The following JAKMIP1 variants were observed in gnomAD, a reference collection of about 807,000 sequenced individuals.
JAKMIP1 encodes the protein janus kinase and microtubule-interacting protein 1.
In JAKMIP1, 33 loss-of-function variants were observed where a neutral mutation model predicts 113.0. That is an observed-to-expected ratio of 0.29 (90% CI 0.22 to 0.39). The LOEUF is 0.39. Ranked by LOEUF, JAKMIP1 falls within the 10% of genes least tolerant of loss-of-function variation. The pLI is 1.00. For missense variants in JAKMIP1, 813 were observed against 1,080.5 expected, an observed-to-expected ratio of 0.75 and a Z score of 3.47; for synonymous variants, 480 against 459.9, an observed-to-expected ratio of 1.04 and a Z score of -0.56.
At chr4:6,182,553 C>G in intron 1 of JAKMIP1, among the ~76,000 whole-genome samples, 1 of 152,200 alleles carries the variant, frequency 6.6e-6, no homozygotes, top group East Asian at 1.9e-4. Flanking sequence ...GAAGAGGGGC[C>G]TCACCATGAA....
intron 1 of JAKMIP1, among the ~76,000 whole-genome samples, chr4:6,177,240 G>C (rs7691651): frequency 6.6e-6 from 1 of 152,046 alleles, no homozygotes; most frequent in East Asian, 1.9e-4. Context: ...TCCAAAGTTG[G>C]AGAGGACTTT....
chr4:6,114,960 T>C (rs924964168), intron 1 of JAKMIP1, among the ~76,000 whole-genome samples: 1 of 152,182 alleles, frequency 6.6e-6, no homozygotes, highest in South Asian at 2.1e-4. Context: ...TTTAAGGAAA[T>C]ACCAGAGATA....
intron 1 of JAKMIP1, among the ~76,000 whole-genome samples, chr4:6,121,017 T>C (rs4688968): frequency 0.24 from 36,527 of 151,914 alleles, 5,918 homozygotes; most frequent in East Asian, 0.6. Context: ...CCGGCCAACA[T>C]GGTGAAATCC....
intron 1 of JAKMIP1, among the ~76,000 whole-genome samples, chr4:6,120,921 C>T (rs931312025): frequency 6.6e-6 from 1 of 152,064 alleles, no homozygotes; most frequent in Non-Finnish European, 1.5e-5. Context: ...TGGCAGCAGG[C>T]CGGGCACAGT....
At chr4:6,102,793 G>C (rs1713277596) in intron 3 of JAKMIP1, among the ~76,000 whole-genome samples, 1 of 134,468 alleles carries the variant, frequency 7.4e-6, no homozygotes, top group African/African-American at 2.9e-5. Flanking sequence ...GAGTGCAGTG[G>C]CGCGATCTCA....
intron 1 of JAKMIP1, among the ~76,000 whole-genome samples, chr4:6,125,008 C>A (rs962379776): frequency 1.3e-5 from 2 of 152,134 alleles, no homozygotes; most frequent in South Asian, 2.1e-4. Context: ...GGCTGTAGGT[C>A]ACAGAGGGAG....
chr4:6,140,519 T>G lies in JAKMIP1; in HGVS notation c.-147-27522A>C, dbSNP rs541474671. Reference sequence around the variant, plus strand: ...ATCAGCTTAAGGCCCCTTCCAATAATGTGGCTCGGGTCTTTCTGCAGGGTC... The same window carrying G: ...ATCAGCTTAAGGCCCCTTCCAATAAGGTGGCTCGGGTCTTTCTGCAGGGTC... On this transcript the variant is annotated intron_variant, in intron 1 of 20. Coordinates refer to ENST00000409021, the MANE Select transcript of JAKMIP1 (RefSeq NM_001099433.2). This position sits in a 1 kb window ranked among gnomAD's most constrained non-coding sequence, Gnocchi z 9.4. 3.9e-5 allele frequency among the ~76,000 whole-genome samples: 6 copies of G among 152,172 alleles called. No individual in the cohort carries two copies. The highest frequency in any genetic ancestry group is 1.4e-4 in the African/African-American group (6 of 41,474).
intron 1 of JAKMIP1, among the ~76,000 whole-genome samples, chr4:6,144,913 C>T (rs574708688): frequency 2.0e-5 from 3 of 152,058 alleles, no homozygotes; most frequent in Admixed American, 6.6e-5. Flanking sequence ...AAAAGGCACC[C>T]AGATCAGAAA....
rs763244104 is a variant in JAKMIP1 at position 6,105,948 on chromosome 4, C to T, written c.149G>A (p.Arg50Gln). 1 of 1,602,244 alleles carries T rather than the reference C, an allele frequency of 6.2e-7. No individual in the cohort carries two copies. The highest frequency in any genetic ancestry group is 8.5e-7 in the Non-Finnish European group (1 of 1,175,000). The change falls in exon 3 of 21, where the codon CGG (arginine) becomes CAG (glutamine). Residue 50 changes from arginine (R) to glutamine (Q), a missense_variant. Physicochemically the swap from Arg to Gln is conservative, Grantham distance 43. This residue lies in a region of JAKMIP1 where 540 missense variants were observed against 653.9 expected (regional missense o/e 0.83). Transcript: ENST00000409021. ...EKSKVGKLRE[R>Q]LQEAKLEREQ... ...GCGCTCCAGCTTCGCCTCCTGCAGCCGCTCGCGCAGTTTGCCCACCTGCAG... is the reference window on the plus strand; with the variant it reads ...GCGCTCCAGCTTCGCCTCCTGCAGCTGCTCGCGCAGTTTGCCCACCTGCAG...
At chr4:6,036,599 C>A (rs1399910239) in intron 18 of JAKMIP1, among the ~76,000 whole-genome samples, 1 of 151,844 alleles carries the variant, frequency 6.6e-6, no homozygotes, top group Non-Finnish European at 1.5e-5. Flanking sequence ...GTTTTAATTG[C>A]CCCTAACCCC....
rs1299485268 is a variant in JAKMIP1 at position 6,153,117 on chromosome 4, G to A, written c.-147-40120C>T. On this transcript the variant is annotated intron_variant, in intron 1 of 20. Transcript: ENST00000409021. The surrounding 1 kb of genome is among the most constrained non-coding windows in gnomAD (Gnocchi z 4.9). ...CCCCTACCTGCCTGAAGACTACACAGGCAGATTCACACTTGCCAGCCAAGG... is the reference window on the plus strand; with the variant it reads ...CCCCTACCTGCCTGAAGACTACACAAGCAGATTCACACTTGCCAGCCAAGG... 6.6e-6 allele frequency among the ~76,000 whole-genome samples: 1 copy of A among 152,010 alleles called. No homozygotes were observed. The highest frequency in any genetic ancestry group is 1.5e-5 in the Non-Finnish European group (1 of 68,034).
chr4:6,030,822 G>A (rs901671186), intron 19 of JAKMIP1, among the ~76,000 whole-genome samples: 1 of 152,228 alleles, frequency 6.6e-6, no homozygotes, highest in Non-Finnish European at 1.5e-5. Flanking sequence ...ATCACCCAGA[G>A]AGCCTACTCA....
rs1720580429 is a variant in JAKMIP1 at position 6,081,761 on chromosome 4, G to A, written c.955-6C>T. The A allele has an allele frequency of 2.5e-6, 4 of 1,614,122 alleles. No individual in the cohort carries two copies. Among genetic ancestry groups the A allele is most frequent in the Non-Finnish European group, 2.5e-6 (3 of 1,180,020 alleles). The stretch of plus-strand genomic sequence containing the variant: ...GTCTCTCGTGAGCGTTTCAGCTGTG[G>A]TTGGAAACAGACACAGAGGCTCAGA... On this transcript the variant is annotated splice_polypyrimidine_tract_variant and splice_region_variant and intron_variant, in intron 5 of 20. Transcript: ENST00000409021. This position sits in a 1 kb window ranked among gnomAD's most constrained non-coding sequence, Gnocchi z 4.6.
At position 6,097,784 on chromosome 4, in the gene JAKMIP1, C is replaced by T. The variant is rs1414213086; in HGVS notation, c.624+7689G>A. The stretch of plus-strand genomic sequence containing the variant: ...TGAGTCAACCATTCCATGGGAAAAG[C>T]CAGGCCCACGCTTCCTTAGGCAGCT... On this transcript the variant is annotated intron_variant, in intron 3 of 20. Transcript: ENST00000409021. This position sits in a 1 kb window ranked among gnomAD's most constrained non-coding sequence, Gnocchi z 4.3. Among the ~76,000 whole-genome samples the T allele has an allele frequency of 6.6e-6, 1 of 152,190 alleles. No homozygotes were observed. The highest frequency in any genetic ancestry group is 2.4e-5 in the African/African-American group (1 of 41,452).
In JAKMIP1 at chr4:6,149,210, A is replaced by C. The variant is rs139871639; in HGVS notation, c.-147-36213T>G. Among the ~76,000 whole-genome samples the C allele has an allele frequency of 1.5e-3, 235 of 152,342 alleles. 6 individuals carry two copies. The highest frequency in any genetic ancestry group is 5.8e-3 in the South Asian group (28 of 4,826). On this transcript the variant is annotated intron_variant, in intron 1 of 20. Coordinates refer to ENST00000409021, the MANE Select transcript of JAKMIP1 (RefSeq NM_001099433.2). ...TAAGCTTTTTAACTACATACAATTA[A>C]ATTAAAATGAGTGATTTTAATAAAA...
rs372938578 is a variant in JAKMIP1, at chr4:6,109,945, G to A, written c.129+2777C>T. On this transcript the variant is annotated intron_variant, in intron 2 of 20. Coordinates refer to ENST00000409021, the MANE Select transcript of JAKMIP1 (RefSeq NM_001099433.2). ...TCAACCTGAAGCGGCCACATGGATGGCTGGATTGAGAAAATAATCAGCCAG... is the reference window on the plus strand; with the variant it reads ...TCAACCTGAAGCGGCCACATGGATGACTGGATTGAGAAAATAATCAGCCAG... 3.0e-4 allele frequency among the ~76,000 whole-genome samples: 45 copies of A among 151,658 alleles called. No individual in the cohort carries two copies. In the East Asian group the frequency reaches 4.1e-3, roughly 14 times the overall value.
At position 6,135,625 on chromosome 4, in the gene JAKMIP1, T is replaced by A. The variant is rs1719119183; in HGVS notation, c.-147-22628A>T. ...ATACACAGCATTTTGCAGATTAAAA[T>A]AATCTAGTTCCCTGCATACCACTGC... On this transcript the variant is annotated intron_variant, in intron 1 of 20. Transcript: ENST00000409021. This position sits in a 1 kb window ranked among gnomAD's most constrained non-coding sequence, Gnocchi z 4.9. Among the ~76,000 whole-genome samples the A allele has an allele frequency of 6.6e-6, 1 of 152,136 alleles. No individual in the cohort carries two copies. The highest frequency in any genetic ancestry group is 2.4e-5 in the African/African-American group (1 of 41,430).
rs1486499164 is a variant in JAKMIP1 at position 6,181,727 on chromosome 4, C to T, written c.-148+18526G>A. 1.3e-5 allele frequency among the ~76,000 whole-genome samples: 2 copies of T among 152,182 alleles called. No individual in the cohort carries two copies. Among genetic ancestry groups the T allele is most frequent in the Non-Finnish European group, 2.9e-5 (2 of 68,032 alleles). Reference sequence around the variant, plus strand: ...TCCATTCATTCATTCATTCATTCAACAGCATCCTAGTGCCTGTTCCATGCC... The same window carrying T: ...TCCATTCATTCATTCATTCATTCAATAGCATCCTAGTGCCTGTTCCATGCC... On this transcript the variant is annotated intron_variant, in intron 1 of 20. Transcript: ENST00000409021. The surrounding 1 kb of genome is among the most constrained non-coding windows in gnomAD (Gnocchi z 5.4).
Position 6,042,187 on chromosome 4 carries a change from T to C in JAKMIP1, c.2069A>G (p.Gln690Arg). Reference sequence around the variant, plus strand: ...CTCCTTCTCCAGGTCCAGCATCTTCTGGGTCAGGGCGGCCTCGGTCCCCTC... The same window carrying C: ...CTCCTTCTCCAGGTCCAGCATCTTCCGGGTCAGGGCGGCCTCGGTCCCCTC... ...QIEGTEAALTQKMLDLEKEKD... is the reference protein window; with the variant it reads ...QIEGTEAALTRKMLDLEKEKD... Residue 690 changes from glutamine to arginine, a missense_variant, in exon 17 of 21, where the codon CAG becomes CGG. Around this residue, in one of 2 missense-constraint regions of JAKMIP1, gnomAD observed 273 missense variants for 426.6 expected, o/e 0.64. Transcript: ENST00000409021. This position sits in a 1 kb window ranked among gnomAD's most constrained non-coding sequence, Gnocchi z 5.2. 1 of 1,613,934 alleles carries C rather than the reference T, an allele frequency of 6.2e-7. No individual in the cohort carries two copies. Among genetic ancestry groups the C allele is most frequent in the Non-Finnish European group, 8.5e-7 (1 of 1,179,870 alleles).
Sources: gnomAD v4.1 joint callset for allele counts (sites outside exome capture counted in the v4.1 genomes callset) on GRCh38, gnomAD v4.1.1 for gene constraint, gnomAD v4.1.1 regional missense constraint, Gnocchi (gnomAD v3.1) non-coding constraint, MANE v1.5 for transcripts, NCBI Gene and HGNC (gene_info 2026-07-23, HGNC 2026-07-21) for gene names.